The following LPIN1 variants were observed in gnomAD, a reference collection of about 807,000 sequenced individuals.
The protein encoded by LPIN1 is phosphatidate phosphatase LPIN1.
In LPIN1, 71 loss-of-function variants were observed where a neutral mutation model predicts 107.5. That is an observed-to-expected ratio of 0.66 (90% CI 0.55 to 0.80). The LOEUF is 0.80. LPIN1 is among the 30% of genes least tolerant of loss of function. LPIN1 has a pLI of 0.00. For missense variants in LPIN1, 1,043 were observed against 1,160.6 expected, an observed-to-expected ratio of 0.90 and a Z score of 1.47; for synonymous variants, 445 against 452.6, an observed-to-expected ratio of 0.98 and a Z score of 0.21.
Position 11,825,980 on chromosome 2 carries a change from T to C in LPIN1, c.*1189T>C, listed in dbSNP as rs1682315353. 1.3e-5 allele frequency: 2 copies of C among 152,274 alleles called. No homozygotes were observed. Among genetic ancestry groups the C allele is most frequent in the Admixed American group, 1.3e-4 (2 of 15,278 alleles). 9.4% of individuals were successfully genotyped at this position (152,274 alleles called of 1,614,324 possible). A position where few individuals can be genotyped will look rare whatever the true frequency, so the allele number is the denominator to read the frequency against. On this transcript the variant is annotated 3_prime_UTR_variant, in exon 21 of 21. Coordinates refer to ENST00000674199, the MANE Select transcript of LPIN1 (RefSeq NM_001349206.2). The surrounding 1 kb of genome is among the most constrained non-coding windows in gnomAD (Gnocchi z 4.1). ...TTTTCCTTAGCTTTTTCCACTCAAA[T>C]TAAGGGCAAGCGAAAAAGTAATAAT...
rs539564877 is a variant in LPIN1, at chr2:11,763,708, C to T, written c.-9-1825C>T. ...GAGCCCGCATCTCCTGGCACGGTTT[C>T]GCACTCTCCATTCTTCCCTAGTGCA... On this transcript the variant is annotated intron_variant, in intron 1 of 20. Transcript: ENST00000674199. Among the ~76,000 whole-genome samples the T allele has an allele frequency of 1.2e-4, 18 of 152,104 alleles. No homozygotes were observed. In the South Asian group the frequency reaches 2.3e-3, roughly 19 times the overall value.
chr2:11,779,446 C>G lies in LPIN1; in HGVS notation c.831-73C>G, dbSNP rs1345828161. On this transcript the variant is annotated intron_variant, in intron 6 of 20. Transcript: ENST00000674199. ...GGTGCATTTTCTGGGCTATTTGAGCCATGGAGCTGGGCCCAAAACATTTAC... is the reference window on the plus strand; with the variant it reads ...GGTGCATTTTCTGGGCTATTTGAGCGATGGAGCTGGGCCCAAAACATTTAC... 1.0e-5 allele frequency: 16 copies of G among 1,525,364 alleles called. No homozygotes were observed. In the East Asian group the frequency reaches 3.6e-4, roughly 35 times the overall value. 94.5% of individuals were successfully genotyped at this position (1,525,364 alleles called of 1,614,324 possible). A position where few individuals can be genotyped will look rare whatever the true frequency, so the allele number is the denominator to read the frequency against.
At chr2:11,761,195 C>T (rs1669769375) in intron 1 of LPIN1, among the ~76,000 whole-genome samples, 2 of 152,144 alleles carry the variant, frequency 1.3e-5, no homozygotes, top group South Asian at 4.1e-4. Flanking sequence ...ACCTCTCTTA[C>T]CAAACACACG....
intron 20 of LPIN1, among the ~76,000 whole-genome samples, chr2:11,823,956 C>T (rs912007879): frequency 6.6e-5 from 10 of 152,144 alleles, no homozygotes; most frequent in Admixed American, 1.3e-4. Context: ...GACCGTCATG[C>T]CAACCAGGGC....
Position 11,786,813 on chromosome 2 carries a change from GTGTGAACGTA to G in LPIN1, c.1550-256_1550-247del, listed in dbSNP as rs1674664166. On this transcript the variant is annotated intron_variant, in intron 10 of 20. Coordinates refer to ENST00000674199, the MANE Select transcript of LPIN1 (RefSeq NM_001349206.2). The surrounding 1 kb of genome is among the most constrained non-coding windows in gnomAD (Gnocchi z 4.1). ...TGTGCTGTTTTCACCCCTACTCCCT[GTGTGAACGTA>G]TGTGCCTCAACTAAGGTACACGTCC... 6.6e-6 allele frequency among the ~76,000 whole-genome samples: 1 copy of G among 152,208 alleles called. No individual in the cohort carries two copies.
At chr2:11,814,512 ATGTGTGTGTG>A (rs71394769) in intron 17 of LPIN1, among the ~76,000 whole-genome samples, 20 of 138,532 alleles carry the variant, frequency 1.4e-4, no homozygotes, top group Admixed American at 2.1e-4. Context: ...GTGTGTGTGC[ATGTGTGTGTG>A]TGTGTGTGTG....
chr2:11,728,262 T>C (rs1664857112), intron 1 of LPIN1, among the ~76,000 whole-genome samples: 1 of 152,264 alleles, frequency 6.6e-6, no homozygotes, highest in African/African-American at 2.4e-5. Context: ...GTAGGTTTCC[T>C]GTAGACATTA....
At position 11,788,543 on chromosome 2, in the gene LPIN1, G is replaced by A. The variant is rs79633426; in HGVS notation, c.1713+87G>A. On this transcript the variant is annotated intron_variant, in intron 12 of 20. Transcript: ENST00000674199. ...TGGTTGGAATTTCACTTTTATTTTG[G>A]AAACTACAGAGTTAATTCCACTGTG... The A allele has an allele frequency of 2.6e-3, 2,609 of 1,022,160 alleles. 39 individuals carry two copies. In the African/African-American group the frequency reaches 0.037, roughly 14 times the overall value. The allele number at this position is 1,022,160 out of a possible 1,614,324, so 63.3% of individuals were successfully genotyped here.
At position 11,782,209 on chromosome 2, in the gene LPIN1, T is replaced by C. The variant is rs777607912; in HGVS notation, c.966T>C (p.Ser322=). The C allele has an allele frequency of 3.1e-5, 50 of 1,613,664 alleles. No homozygotes were observed. In the East Asian group the frequency reaches 1.1e-3, roughly 36 times the overall value. ...TCTCCTCTTTGCTCTAGTCTTCTTCTCCACACAAGATGAAAGAGTCCAGCC... is the reference window on the plus strand; with the variant it reads ...TCTCCTCTTTGCTCTAGTCTTCTTCCCCACACAAGATGAAAGAGTCCAGCC... ...GELPQAAKSS[S]PHKMKESSPL... The change falls in exon 8 of 21, where the codon TCT becomes TCC. Residue 322 remains serine, a synonymous_variant. Transcript: ENST00000674199.
intron 20 of LPIN1, among the ~76,000 whole-genome samples, chr2:11,823,327 G>A (rs1558319867): frequency 6.6e-6 from 1 of 152,176 alleles, no homozygotes; most frequent in Admixed American, 6.5e-5. Context: ...CTGCAGGGAG[G>A]GGCCCTGCTG....
At chr2:11,739,866 G>A (rs148483581) in intron 1 of LPIN1, among the ~76,000 whole-genome samples, 1 of 152,290 alleles carries the variant, frequency 6.6e-6, no homozygotes, top group African/African-American at 2.4e-5. Flanking sequence ...AACCATATGC[G>A]AATGACATTC....
intron 1 of LPIN1, among the ~76,000 whole-genome samples, chr2:11,688,751 T>C (rs1662133637): frequency 6.6e-6 from 1 of 152,244 alleles, no homozygotes; most frequent in Non-Finnish European, 1.5e-5. Context: ...CTTGAGTGAA[T>C]TCTCTTTATC....
At chr2:11,700,959 A>T (rs989010503) in intron 1 of LPIN1, among the ~76,000 whole-genome samples, 1 of 152,176 alleles carries the variant, frequency 6.6e-6, no homozygotes. Flanking sequence ...TGGAGCCCTC[A>T]GTTCTCAGCT....
intron 2 of LPIN1, among the ~76,000 whole-genome samples, chr2:11,714,512 G>A (rs1414917146): frequency 1.3e-5 from 2 of 152,160 alleles, no homozygotes; most frequent in Non-Finnish European, 2.9e-5. Flanking sequence ...ACTCCCAGAG[G>A]TGGTCCCAAA....
At position 11,709,713 on chromosome 2, in the gene LPIN1, G is replaced by A. The variant is rs187090481; in HGVS notation, c.82-4043G>A. ...CTTTTACAAAAATCTACAAATGAAC[G>A]TTGGACAACCCATTTGTAAACTGGG... On this transcript the variant is annotated intron_variant, in intron 1 of 21. Coordinates refer to the LPIN1 transcript ENST00000449576. Among the ~76,000 whole-genome samples, 8 of 152,268 alleles carry A rather than the reference G, an allele frequency of 5.3e-5. No homozygotes were observed. The East Asian group carries it at 1.5e-3, about 29-fold the overall frequency.
intron 8 of LPIN1, among the ~76,000 whole-genome samples, chr2:11,783,165 T>C (rs1409104072): frequency 6.6e-6 from 1 of 152,176 alleles, no homozygotes; most frequent in Admixed American, 6.5e-5. Context: ...TATGGACCAA[T>C]TACATCATTT....
intron 17 of LPIN1, among the ~76,000 whole-genome samples, chr2:11,814,813 C>A (rs1204173954): frequency 1.3e-5 from 2 of 152,116 alleles, no homozygotes; most frequent in African/African-American, 4.8e-5. Flanking sequence ...ACCTCAGTTT[C>A]CATAGCAGTA....
intron 1 of LPIN1, among the ~76,000 whole-genome samples, chr2:11,698,007 G>A (rs1353447184): frequency 6.6e-6 from 1 of 152,094 alleles, no homozygotes; most frequent in Non-Finnish European, 1.5e-5. Flanking sequence ...TGGTCAGAGA[G>A]TTTCACTGTC....
intron 17 of LPIN1, among the ~76,000 whole-genome samples, chr2:11,806,071 C>T (rs545606381): frequency 3.9e-5 from 6 of 152,312 alleles, no homozygotes; most frequent in Non-Finnish European, 5.9e-5. Context: ...CAGGACAGTG[C>T]GGTCTCTCCG....
Sources: gnomAD v4.1 joint callset for allele counts (sites outside exome capture counted in the v4.1 genomes callset) on GRCh38, gnomAD v4.1.1 for gene constraint, Gnocchi (gnomAD v3.1) non-coding constraint, MANE v1.5 for transcripts, NCBI Gene and HGNC (gene_info 2026-07-23, HGNC 2026-07-21) for gene names.